Variants in ENTREP1 observed in about 807,000 individuals in gnomAD.
ENTREP1 encodes endosomal transmembrane epsin interactor 1.
At chr9:69,357,463 C>T in the ENTREP1 span, among the ~76,000 whole-genome samples, 52 of 152,298 alleles carry the variant, frequency 3.4e-4, no homozygotes, top group African/African-American at 1.2e-3. Flanking sequence ...GGCACTTCAG[C>T]ATGCTGGAGA....
chr9:69,360,396 A>G, the ENTREP1 span, among the ~76,000 whole-genome samples: 1 of 152,124 alleles, frequency 6.6e-6, no homozygotes, highest in African/African-American at 2.4e-5. Context: ...CCCTTTCTCA[A>G]TAAAGTTATA....
chr9:69,325,142 C>T, the ENTREP1 span: 2 of 1,037,570 alleles, frequency 1.9e-6, no homozygotes, highest in Non-Finnish European at 2.3e-6. Flanking sequence ...GCCAGGGCAG[C>T]GGCAGCGGCG....
the ENTREP1 span, among the ~76,000 whole-genome samples, chr9:69,374,763 G>T: frequency 7.2e-5 from 11 of 152,134 alleles, no homozygotes; most frequent in Admixed American, 2.0e-4. Context: ...AAGAATGCAG[G>T]GTGGATGTTC....
chr9:69,382,734 A>C, the ENTREP1 span: 1 of 152,426 alleles, frequency 6.6e-6, no homozygotes, highest in Admixed American at 6.5e-5. Context: ...AAATGAAACA[A>C]CTATAAATTC....
chr9:69,389,565 T>G, the ENTREP1 span, among the ~76,000 whole-genome samples: 1 of 152,152 alleles, frequency 6.6e-6, no homozygotes, highest in African/African-American at 2.4e-5. Flanking sequence ...GAGGCTCCAG[T>G]TACTAACCTA....
chr9:69,347,772 A>C, the ENTREP1 span, among the ~76,000 whole-genome samples: 1 of 152,190 alleles, frequency 6.6e-6, no homozygotes, highest in Admixed American at 6.5e-5. Context: ...TGCAGCAAGG[A>C]AAGAAAGTGG....
chr9:69,327,175 G>A, the ENTREP1 span, among the ~76,000 whole-genome samples: 23 of 152,158 alleles, frequency 1.5e-4, no homozygotes, highest in Non-Finnish European at 3.1e-4. Flanking sequence ...GAACTTATTG[G>A]GGTACGTGCT....
the ENTREP1 span, among the ~76,000 whole-genome samples, chr9:69,354,030 T>G: frequency 6.6e-6 from 1 of 152,276 alleles, no homozygotes; most frequent in South Asian, 2.1e-4. Flanking sequence ...TGGATTATTT[T>G]GAAATAAATT....
chr9:69,350,903 T>G, the ENTREP1 span, among the ~76,000 whole-genome samples: 1 of 152,206 alleles, frequency 6.6e-6, no homozygotes, highest in East Asian at 1.9e-4. Flanking sequence ...TTCTTTTCCT[T>G]GAAAATCAAT....
At chr9:69,351,503 A>G in the ENTREP1 span, among the ~76,000 whole-genome samples, 133,306 of 152,206 alleles carry the variant, frequency 0.88, 58,668 homozygotes, top group African/African-American at 0.96. Context: ...TACAACCTCC[A>G]CCTCGCGGGT....
chr9:69,343,191 T>G, the ENTREP1 span, among the ~76,000 whole-genome samples: 1 of 152,238 alleles, frequency 6.6e-6, no homozygotes, highest in African/African-American at 2.4e-5. Flanking sequence ...ATGCCCTTTG[T>G]TCTGAAGCTT....
chr9:69,329,242 A>G, the ENTREP1 span: 3 of 379,138 alleles, frequency 7.9e-6, no homozygotes, highest in African/African-American at 2.2e-5. Context: ...TGCTATATCA[A>G]CTGAACCCAC....
At chr9:69,380,550 C>T in the ENTREP1 span, 1,169 of 152,338 alleles carry the variant, frequency 7.7e-3, 7 homozygotes, top group Middle Eastern at 0.02. Context: ...AAAGGCTTCT[C>T]GAGTTACTGT....
chr9:69,363,632 T>G, the ENTREP1 span, among the ~76,000 whole-genome samples: 2 of 152,268 alleles, frequency 1.3e-5, no homozygotes, highest in East Asian at 3.9e-4. Context: ...CCTGAGAGCC[T>G]GTGTGGCTTT....
At chr9:69,328,486 C>T in the ENTREP1 span, among the ~76,000 whole-genome samples, 6 of 152,276 alleles carry the variant, frequency 3.9e-5, no homozygotes, top group African/African-American at 1.2e-4. Context: ...TAGCTATCAA[C>T]ACATGGCCAC....
the ENTREP1 span, among the ~76,000 whole-genome samples, chr9:69,384,443 TTCTGATCTATGA>T: frequency 6.6e-6 from 1 of 152,222 alleles, no homozygotes; most frequent in African/African-American, 2.4e-5. Context: ...TTCCTGTGTT[TTCTGATCTATGA>T]TTTTCTTCCT....
the ENTREP1 span, chr9:69,385,891 C>T: frequency 6.2e-7 from 1 of 1,613,462 alleles, no homozygotes; most frequent in Non-Finnish European, 8.5e-7. Context: ...AGAGCCCTCC[C>T]ACCCTTGAGG....
the ENTREP1 span, among the ~76,000 whole-genome samples, chr9:69,366,406 TGAGTTG>T: frequency 7.4e-6 from 1 of 135,144 alleles, no homozygotes. Flanking sequence ...TTTTTGCCAT[TGAGTTG>T]TTTGAGTTTC....
the ENTREP1 span, chr9:69,381,117 AGCAGAACAT>A: frequency 6.6e-6 from 1 of 152,224 alleles, no homozygotes. Context: ...GTAGCCTGAA[AGCAGAACAT>A]GCTTTGAATT....
Sources: gnomAD v4.1 joint callset for allele counts (sites outside exome capture counted in the v4.1 genomes callset) on GRCh38, gnomAD v4.1.1 for gene constraint, MANE v1.5 for transcripts, NCBI Gene and HGNC (gene_info 2026-07-23, HGNC 2026-07-21) for gene names.